NTRK3: variants seen among roughly 807,000 people sequenced by gnomAD.
NTRK3 encodes NT-3 growth factor receptor.
In NTRK3, 24 loss-of-function variants were observed where a neutral mutation model predicts 91.7. The observed-to-expected ratio is 0.26, with a 90% CI of 0.19 to 0.37. The LOEUF is 0.37. Ranked by LOEUF, NTRK3 falls within the 10% of genes least tolerant of loss-of-function variation. The probability of loss-of-function intolerance (pLI) is 1.00; values close to 1 mark genes in which losing one functional copy is unlikely to be tolerated. For synonymous variants in NTRK3, 483 were observed against 404.0 expected (o/e 1.20, Z -2.34); for missense variants, 880 against 1,068.9 (o/e 0.82, Z 2.46).
At position 88,204,069 on chromosome 15, in the gene NTRK3, C is replaced by G. The variant is rs559743463; in HGVS notation, c.249-19770G>C. Among the ~76,000 whole-genome samples, 5 of 152,270 alleles carry G rather than the reference C, an allele frequency of 3.3e-5. No homozygotes were observed. The East Asian group carries it at 7.7e-4, about 24-fold the overall frequency. On this transcript the variant is annotated intron_variant, in intron 3 of 18. Coordinates refer to ENST00000394480, the Ensembl canonical transcript of NTRK3. ...CCAACAGGCCCCAGTGTGTGATGTT[C>G]CTCTCCTTGTGTCCGTGTGTTCTCA...
intron 14 of NTRK3, among the ~76,000 whole-genome samples, chr15:87,989,849 C>T (rs754573578): frequency 5.9e-5 from 9 of 152,152 alleles, no homozygotes; most frequent in Non-Finnish European, 1.0e-4. Flanking sequence ...TCAAGGGATG[C>T]GCCCACCTCA....
exon 10 of NTRK3, chr15:88,135,281 G>A (rs2151193570): frequency 1.2e-6 from 2 of 1,614,192 alleles, no homozygotes; most frequent in East Asian, 2.2e-5. Flanking sequence ...GACTCCCGCA[G>A]AGGCTGCCCA....
At chr15:87,947,577 G>A (rs1363013433) in intron 14 of NTRK3, among the ~76,000 whole-genome samples, 1 of 152,104 alleles carries the variant, frequency 6.6e-6, no homozygotes, top group Non-Finnish European at 1.5e-5. Flanking sequence ...CCAAGACCTT[G>A]CTGCCCCACC....
chr15:87,907,882 G>C (rs939455420), intron 17 of NTRK3, among the ~76,000 whole-genome samples: 1 of 152,204 alleles, frequency 6.6e-6, no homozygotes, highest in Non-Finnish European at 1.5e-5. Context: ...AAAATGGGGA[G>C]GGCAAAAGCC....
intron 13 of NTRK3, among the ~76,000 whole-genome samples, chr15:88,074,555 A>G (rs922478668): frequency 6.6e-6 from 1 of 152,234 alleles, no homozygotes; most frequent in Admixed American, 6.5e-5. Context: ...AAGTGGAGAC[A>G]GGATTCTCAC....
chr15:87,882,394 T>G (rs939775080), intron 17 of NTRK3, among the ~76,000 whole-genome samples: 1 of 152,166 alleles, frequency 6.6e-6, no homozygotes, highest in Non-Finnish European at 1.5e-5. Flanking sequence ...ATGCAATTAT[T>G]GGAACATAAC....
intron 14 of NTRK3, among the ~76,000 whole-genome samples, chr15:87,975,626 T>A (rs920602462): frequency 1.3e-5 from 2 of 152,106 alleles, no homozygotes. Flanking sequence ...CTGACTTCCC[T>A]AGAGGCACCA....
intron 14 of NTRK3, among the ~76,000 whole-genome samples, chr15:87,957,306 C>G (rs2071768817): frequency 6.6e-6 from 1 of 152,162 alleles, no homozygotes; most frequent in Admixed American, 6.5e-5. Flanking sequence ...CAATTGTCTT[C>G]ATATAATTAT....
At chr15:88,036,075 A>G (rs1286970700) in intron 13 of NTRK3, among the ~76,000 whole-genome samples, 1 of 152,176 alleles carries the variant, frequency 6.6e-6, no homozygotes, top group Non-Finnish European at 1.5e-5. Flanking sequence ...GAAAATGAAT[A>G]TGAACAGAAG....
At chr15:88,030,639 G>A (rs907175348) in intron 14 of NTRK3, among the ~76,000 whole-genome samples, 1 of 152,118 alleles carries the variant, frequency 6.6e-6, no homozygotes, top group Non-Finnish European at 1.5e-5. Context: ...AAATTTATGT[G>A]CAGTGCCAAA....
chr15:88,046,383 A>G (rs1055369785), intron 13 of NTRK3, among the ~76,000 whole-genome samples: 3 of 152,176 alleles, frequency 2.0e-5, no homozygotes, highest in East Asian at 1.9e-4. Context: ...AAAAGACACA[A>G]CCTCAGCCTG....
intron 6 of NTRK3, among the ~76,000 whole-genome samples, chr15:88,139,970 G>T (rs1597544712): frequency 6.6e-6 from 1 of 152,136 alleles, no homozygotes; most frequent in South Asian, 2.1e-4. Context: ...AGTAACAAAG[G>T]CAAAGGGAAG....
chr15:88,170,008 C>T (rs772461736), intron 5 of NTRK3, among the ~76,000 whole-genome samples: 10 of 152,190 alleles, frequency 6.6e-5, no homozygotes, highest in Non-Finnish European at 1.2e-4. Context: ...TCTTCCACCC[C>T]TAGACTATCC....
Position 88,132,233 on chromosome 15 carries a change from CTTGAATTCA to C in NTRK3, c.1204+2859_1204+2867del, listed in dbSNP as rs2041427573. Reference sequence around the variant, plus strand: ...GAAAATGACTACTGGTTCTAGAACTCTTGAATTCATCTCAGCTCTACATCCTAAGAATCT... The same window carrying C: ...GAAAATGACTACTGGTTCTAGAACTCTCTCAGCTCTACATCCTAAGAATCT... On this transcript the variant is annotated intron_variant, in intron 10 of 18. Coordinates refer to ENST00000394480, the Ensembl canonical transcript of NTRK3. Among the ~76,000 whole-genome samples the C allele has an allele frequency of 3.3e-5, 5 of 152,348 alleles. No homozygotes were observed. In the South Asian group the frequency reaches 1.0e-3, roughly 32 times the overall value.
chr15:88,085,735 A>G (rs1258089471), intron 13 of NTRK3, among the ~76,000 whole-genome samples: 1 of 152,180 alleles, frequency 6.6e-6, no homozygotes, highest in Admixed American at 6.5e-5. Flanking sequence ...CCTGCCTTCC[A>G]CCTAAGACCT....
intron 14 of NTRK3, among the ~76,000 whole-genome samples, chr15:87,997,765 C>T (rs1339881824): frequency 6.6e-6 from 1 of 152,120 alleles, no homozygotes; most frequent in East Asian, 1.9e-4. Flanking sequence ...CAGAGATGTG[C>T]CATAGGCACT....
chr15:88,176,136 C>CTTTTTTTTTTTTTTTT (rs139583264), intron 5 of NTRK3, among the ~76,000 whole-genome samples: 3 of 116,102 alleles, frequency 2.6e-5, no homozygotes, highest in African/African-American at 1.1e-4. Context: ...TATGCCCCTT[C>CTTTTTTTTTTTTTTTT]TTTTTTTTTT....
chr15:87,948,036 G>T (rs2070745551), intron 14 of NTRK3, among the ~76,000 whole-genome samples: 1 of 152,066 alleles, frequency 6.6e-6, no homozygotes, highest in South Asian at 2.1e-4. Flanking sequence ...ACTTTCTCCT[G>T]GCCTCCTGGC....
intron 17 of NTRK3, among the ~76,000 whole-genome samples, chr15:87,894,914 C>G (rs2066034132): frequency 6.6e-6 from 1 of 152,184 alleles, no homozygotes; most frequent in African/African-American, 2.4e-5. Flanking sequence ...GCTCTCTTCT[C>G]AGCCACCTGA....
Sources: allele counts gnomAD v4.1 joint callset (sites outside exome capture counted in the v4.1 genomes callset), GRCh38; gene constraint gnomAD v4.1.1; transcripts MANE v1.5; gene names NCBI Gene and HGNC (gene_info 2026-07-23, HGNC 2026-07-21).